The following TSPEAR variants were observed in gnomAD, a reference collection of about 807,000 sequenced individuals.
TSPEAR encodes the protein thrombospondin type laminin G domain and EAR repeats, also known as thrombospondin-type laminin G domain and EAR repeat-containing protein.
In TSPEAR, 69 loss-of-function variants were observed where a neutral mutation model predicts 71.6. The ratio of observed to expected loss-of-function variants is 0.96; its 90% CI spans 0.79 to 1.18. The LOEUF (loss-of-function observed/expected upper bound fraction) is 1.18. Among genes scored for constraint, TSPEAR ranks in the 50% most tolerant of loss-of-function variants. The probability of loss-of-function intolerance (pLI) is 0.00; values close to 1 mark genes in which losing one functional copy is unlikely to be tolerated. For synonymous variants in TSPEAR, 402 were observed against 387.2 expected, an observed-to-expected ratio of 1.04 and a Z score of -0.45; for missense variants, 971 against 894.9, an observed-to-expected ratio of 1.09 and a Z score of -1.09.
chr21:44,659,191 G>C (rs1291742237), intron 1 of TSPEAR, among the ~76,000 whole-genome samples: 2 of 152,200 alleles, frequency 1.3e-5, no homozygotes, highest in African/African-American at 4.8e-5. Flanking sequence ...GGGAAAGGCA[G>C]AAGTGTGTAG....
chr21:44,582,234 A>G (rs2146104824), intron 1 of TSPEAR, among the ~76,000 whole-genome samples: 1 of 152,324 alleles, frequency 6.6e-6, no homozygotes, highest in Middle Eastern at 3.4e-3. Flanking sequence ...CCATTTTGAC[A>G]GTTGCAGAAA....
At chr21:44,605,477 A>T (rs1273048819) in intron 1 of TSPEAR, among the ~76,000 whole-genome samples, 2 of 152,222 alleles carry the variant, frequency 1.3e-5, no homozygotes, top group African/African-American at 4.8e-5. Context: ...TGAAACCATA[A>T]AAGACTCTGA....
intron 1 of TSPEAR, chr21:44,592,268 C>T (rs782505938): frequency 1.9e-6 from 3 of 1,585,726 alleles, no homozygotes; most frequent in African/African-American, 1.4e-5. Context: ...GGGCTGGGCT[C>T]ACAGGTCACT....
At chr21:44,602,036 C>T (rs1209046893) in intron 1 of TSPEAR, 3 of 508,196 alleles carry the variant, frequency 5.9e-6, no homozygotes, top group Non-Finnish European at 1.1e-5. Flanking sequence ...AGACAGGTAC[C>T]AACTGGGTTT....
At chr21:44,666,803 G>T (rs1555944907) in intron 1 of TSPEAR, 2 of 1,607,958 alleles carry the variant, frequency 1.2e-6, no homozygotes, top group Non-Finnish European at 1.7e-6. Flanking sequence ...CCTGGCAGGA[G>T]CTGGGCACAC....
intron 3 of TSPEAR, among the ~76,000 whole-genome samples, chr21:44,533,240 G>A (rs1311626452): frequency 2.0e-5 from 3 of 152,150 alleles, no homozygotes; most frequent in Non-Finnish European, 4.4e-5. Context: ...CCGAATCCAG[G>A]GCATCACTCA....
chr21:44,508,885 C>T lies in TSPEAR; in HGVS notation c.1754+314G>A, dbSNP rs113533159. 4.0e-4 allele frequency: 578 copies of T among 1,455,758 alleles called. 3 individuals carry two copies. The African/African-American group carries it at 5.2e-3, about 13-fold the overall frequency. 90.2% of individuals were successfully genotyped at this position (1,455,758 alleles called of 1,614,324 possible). ...GGGCCTCGGCTATCCCTCCGCACGA[C>T]GGGCATGAAGCCCCCTCCTGCCTCC... On this transcript the variant is annotated intron_variant, in intron 10 of 11. Coordinates refer to ENST00000323084, the MANE Select transcript of TSPEAR (RefSeq NM_144991.3).
At position 44,523,512 on chromosome 21, in the gene TSPEAR, CGTCA is replaced by C. The variant is rs782594170; in HGVS notation, c.1337-1404_1337-1401del. Among the ~76,000 whole-genome samples, 398 of 150,682 alleles carry C rather than the reference CGTCA, an allele frequency of 2.6e-3. 2 individuals carry two copies. The highest frequency in any genetic ancestry group is 0.018 in the Middle Eastern group (5 of 278). ...GTAGTCGGTCAGGTAGGCAGTCAGT[CGTCA>C]GTCAGTCTGAGGTAGTTAAGTCATT... On this transcript the variant is annotated intron_variant, in intron 8 of 11. Coordinates refer to ENST00000323084, the MANE Select transcript of TSPEAR (RefSeq NM_144991.3).
intron 8 of TSPEAR, among the ~76,000 whole-genome samples, chr21:44,524,736 G>A (rs1412527310): frequency 6.6e-6 from 1 of 151,354 alleles, no homozygotes; most frequent in African/African-American, 2.5e-5. Flanking sequence ...CAGTGAGACA[G>A]TCAGTCAATC....
At chr21:44,670,853 C>T (rs1275535168) in intron 1 of TSPEAR, among the ~76,000 whole-genome samples, 1 of 152,186 alleles carries the variant, frequency 6.6e-6, no homozygotes, top group Admixed American at 6.5e-5. Context: ...CTGCCGAATC[C>T]CACAACCCCC....
At chr21:44,610,434 T>C (rs1253404541) in intron 1 of TSPEAR, among the ~76,000 whole-genome samples, 1 of 152,230 alleles carries the variant, frequency 6.6e-6, no homozygotes, top group African/African-American at 2.4e-5. Flanking sequence ...GCAGCTTCCA[T>C]GTTGCGTTGA....
In TSPEAR at chr21:44,710,150, G is replaced by A. The variant is rs1400308829; in HGVS notation, c.82+1283C>T. Among the ~76,000 whole-genome samples, 4 of 152,082 alleles carry A rather than the reference G, an allele frequency of 2.6e-5. No homozygotes were observed. The highest frequency in any genetic ancestry group is 9.7e-5 in the African/African-American group (4 of 41,412). On this transcript the variant is annotated intron_variant, in intron 1 of 11. Transcript: ENST00000323084. The surrounding 1 kb of genome is among the most constrained non-coding windows in gnomAD (Gnocchi z 4.6). The stretch of plus-strand genomic sequence containing the variant: ...GTCCTCGAGCAGGGGAGGGAGAAAG[G>A]CTGGCGCTGCGCCCTCCATCGCGTG...
chr21:44,571,800 CATAG>C (rs1247194081), intron 1 of TSPEAR, among the ~76,000 whole-genome samples: 1 of 152,228 alleles, frequency 6.6e-6, no homozygotes, highest in Non-Finnish European at 1.5e-5. Flanking sequence ...TTAGTCCACA[CATAG>C]ATAAATAAAT....
At chr21:44,709,515 A>G (rs2146344080) in intron 1 of TSPEAR, among the ~76,000 whole-genome samples, 1 of 152,364 alleles carries the variant, frequency 6.6e-6, no homozygotes, top group South Asian at 2.1e-4. Flanking sequence ...AAATCAAAGC[A>G]GGTTCCCCTC....
intron 1 of TSPEAR, among the ~76,000 whole-genome samples, chr21:44,571,934 C>T (rs587648920): frequency 1.2e-4 from 18 of 152,340 alleles, no homozygotes; most frequent in African/African-American, 4.1e-4. Flanking sequence ...CCACAGGGAC[C>T]GTGCGGGCGA....
rs1270515015 is a variant in TSPEAR, at chr21:44,582,867, A to G, written c.83-14862T>C. On this transcript the variant is annotated intron_variant, in intron 1 of 11. Transcript: ENST00000323084. ...CTTTTCTTTTTTGACACACAGTCTCACTCTGTCACCCAGGCTGGAGTGCAG... is the reference window on the plus strand; with the variant it reads ...CTTTTCTTTTTTGACACACAGTCTCGCTCTGTCACCCAGGCTGGAGTGCAG... Among the ~76,000 whole-genome samples, 3 of 143,510 alleles carry G rather than the reference A, an allele frequency of 2.1e-5. No homozygotes were observed. In the East Asian group the frequency reaches 6.1e-4, roughly 29 times the overall value. The allele number at this position is 143,510 out of a possible 152,430, so 94.1% of individuals were successfully genotyped here. A position where few individuals can be genotyped will look rare whatever the true frequency, so the allele number is the denominator to read the frequency against.
chr21:44,517,619 C>G (rs587656345), intron 9 of TSPEAR: 1 of 380,810 alleles, frequency 2.6e-6, no homozygotes, highest in Non-Finnish European at 5.3e-6. Context: ...TGCTTCCCAC[C>G]GTGTGTGCTC....
intron 7 of TSPEAR, 90 bp from the exon 8 acceptor site, chr21:44,525,929 C>T (rs2052846741): frequency 7.6e-7 from 1 of 1,318,754 alleles, no homozygotes; most frequent in Admixed American, 1.8e-5. Context: ...CAGCATCTCT[C>T]TCCAGATCCA....
chr21:44,601,524 C>G (rs1980904536), intron 1 of TSPEAR: 1 of 1,613,356 alleles, frequency 6.2e-7, no homozygotes, highest in African/African-American at 1.3e-5. Context: ...GCACCACCTC[C>G]TGCTGCAGAC....
Sources: allele counts gnomAD v4.1 joint callset (sites outside exome capture counted in the v4.1 genomes callset), GRCh38; gene constraint gnomAD v4.1.1; non-coding constraint Gnocchi (gnomAD v3.1); transcripts MANE v1.5; gene names NCBI Gene and HGNC (gene_info 2026-07-23, HGNC 2026-07-21).